The following MGAT4C variants were observed in gnomAD, a reference collection of about 807,000 sequenced individuals.
MGAT4C encodes alpha-1,3-mannosyl-glycoprotein 4-beta-N-acetylglucosaminyltransferase C.
Under a neutral mutation model 40.1 loss-of-function variants are expected in MGAT4C, and 19 were observed. The ratio of observed to expected loss-of-function variants is 0.47; its 90% CI spans 0.33 to 0.70. The LOEUF (loss-of-function observed/expected upper bound fraction) is 0.70. Among genes scored for constraint, MGAT4C ranks in the 30% least tolerant of loss-of-function variants. The pLI, the probability that MGAT4C is intolerant of heterozygous loss-of-function variation, is 0.02. For missense variants in MGAT4C, 491 were observed against 563.2 expected (o/e 0.87, Z 1.30); for synonymous variants, 181 against 187.1 (o/e 0.97, Z 0.27).
intron 2 of MGAT4C, among the ~76,000 whole-genome samples, chr12:86,046,656 T>C (rs902686326): frequency 1.3e-5 from 2 of 152,170 alleles, no homozygotes; most frequent in African/African-American, 4.8e-5. Flanking sequence ...AAAGTGTGAA[T>C]TGGGGTCTCC....
intron 2 of MGAT4C, among the ~76,000 whole-genome samples, chr12:86,517,463 C>T (rs1205106158): frequency 1.3e-5 from 2 of 152,044 alleles, no homozygotes; most frequent in African/African-American, 4.8e-5. Context: ...AGAACTGACC[C>T]TCACCTAAAA....
intron 3 of MGAT4C, among the ~76,000 whole-genome samples, chr12:86,420,908 TATGTGTATATATACATACATATAC>T (rs1196845776): frequency 1.3e-5 from 2 of 150,028 alleles, no homozygotes; most frequent in African/African-American, 2.4e-5. Flanking sequence ...CATACGTGTA[TATGTGTATATATACATACATATAC>T]ATGTGTATAT....
intron 2 of MGAT4C, among the ~76,000 whole-genome samples, chr12:86,483,206 C>A (rs1015459693): frequency 3.9e-5 from 6 of 152,030 alleles, no homozygotes; most frequent in Middle Eastern, 3.2e-3. Context: ...AGGGTAGTAC[C>A]CTCATAAACT....
intron 2 of MGAT4C, among the ~76,000 whole-genome samples, chr12:86,582,158 A>G (rs1175064331): frequency 6.6e-6 from 1 of 151,468 alleles, no homozygotes; most frequent in Non-Finnish European, 1.5e-5. Context: ...TGATAGTACA[A>G]GATGATCATG....
At chr12:85,989,977 C>T (rs530876478) in intron 2 of MGAT4C, among the ~76,000 whole-genome samples, 3 of 152,012 alleles carry the variant, frequency 2.0e-5, no homozygotes, top group African/African-American at 2.4e-5. Context: ...AATTATGGGC[C>T]TAATATTAAT....
At chr12:86,280,306 A>G (rs1953184406) in intron 4 of MGAT4C, among the ~76,000 whole-genome samples, 1 of 151,960 alleles carries the variant, frequency 6.6e-6, no homozygotes, top group Non-Finnish European at 1.5e-5. Context: ...TTTGCTTCAT[A>G]TATCTACGTT....
intron 2 of MGAT4C, among the ~76,000 whole-genome samples, chr12:86,696,369 TA>T (rs376191250): frequency 2.0e-5 from 3 of 151,880 alleles, no homozygotes; most frequent in African/African-American, 4.8e-5. Flanking sequence ...AATTAAAAAC[TA>T]AAAAAAAGTG....
At chr12:86,561,278 T>C (rs1592987481) in intron 2 of MGAT4C, among the ~76,000 whole-genome samples, 1 of 152,198 alleles carries the variant, frequency 6.6e-6, no homozygotes, top group Non-Finnish European at 1.5e-5. Context: ...TCGTTAATAC[T>C]GAGTGTCAAC....
chr12:86,466,135 G>A (rs1339077983), intron 2 of MGAT4C, among the ~76,000 whole-genome samples: 3 of 152,082 alleles, frequency 2.0e-5, no homozygotes. Context: ...CTTGAACCCA[G>A]GAGGTGGAGG....
chr12:86,205,358 G>C (rs1483564730), intron 1 of MGAT4C, among the ~76,000 whole-genome samples: 1 of 151,214 alleles, frequency 6.6e-6, no homozygotes, highest in African/African-American at 2.4e-5. Flanking sequence ...TTTTTTCAGT[G>C]ATTTTGTCAC....
intron 2 of MGAT4C, among the ~76,000 whole-genome samples, chr12:86,509,893 A>G (rs1409193806): frequency 1.3e-5 from 2 of 152,076 alleles, no homozygotes; most frequent in South Asian, 4.1e-4. Flanking sequence ...AATGCTTGTG[A>G]TTTTTGTACA....
In MGAT4C at chr12:86,151,917, G is replaced by C. The variant is rs187239326; in HGVS notation, c.-56-102194C>G. On this transcript the variant is annotated intron_variant, in intron 1 of 4. Coordinates refer to ENST00000611864, the MANE Select transcript of MGAT4C (RefSeq NM_001351288.2). ...TCAAATTCCTGTATGACAATTTAAG[G>C]CTGTGGGCCAGATGTCCCAGCTTGG... Among the ~76,000 whole-genome samples, 35 of 152,286 alleles carry C rather than the reference G, an allele frequency of 2.3e-4. No homozygotes were observed. In the East Asian group the frequency reaches 6.6e-3, roughly 29 times the overall value.
chr12:86,620,113 G>C (rs533578732), intron 2 of MGAT4C, among the ~76,000 whole-genome samples: 182 of 152,200 alleles, frequency 1.2e-3, no homozygotes, highest in Middle Eastern at 6.8e-3. Flanking sequence ...CTGTTAGTGA[G>C]AATGTAAATT....
At chr12:86,799,137 T>C (rs1192024819) in intron 1 of MGAT4C, among the ~76,000 whole-genome samples, 2 of 151,828 alleles carry the variant, frequency 1.3e-5, no homozygotes, top group Non-Finnish European at 1.5e-5. Flanking sequence ...CCTAATTATT[T>C]GAGATAATTA....
intron 2 of MGAT4C, among the ~76,000 whole-genome samples, chr12:86,581,246 C>A (rs190254228): frequency 6.6e-6 from 1 of 151,482 alleles, no homozygotes; most frequent in Non-Finnish European, 1.5e-5. Flanking sequence ...TAGCCACTAC[C>A]TTAGTGGTTG....
At chr12:86,566,579 TA>T (rs1395135661) in intron 2 of MGAT4C, among the ~76,000 whole-genome samples, 5 of 133,236 alleles carry the variant, frequency 3.8e-5, no homozygotes, top group Non-Finnish European at 8.1e-5. Context: ...TATATATGTA[TA>T]TGTATATATA....
chr12:86,045,833 C>T (rs1452511783), intron 2 of MGAT4C, among the ~76,000 whole-genome samples: 1 of 152,160 alleles, frequency 6.6e-6, no homozygotes, highest in Non-Finnish European at 1.5e-5. Flanking sequence ...GATTTCCACA[C>T]AAAATTCCAT....
intron 1 of MGAT4C, among the ~76,000 whole-genome samples, chr12:86,133,843 T>C (rs1881582464): frequency 6.6e-6 from 1 of 152,168 alleles, no homozygotes; most frequent in African/African-American, 2.4e-5. Flanking sequence ...CATATTCAAT[T>C]AGGGAAAAAC....
At chr12:86,576,704 T>C (rs1960573700) in intron 2 of MGAT4C, among the ~76,000 whole-genome samples, 1 of 151,990 alleles carries the variant, frequency 6.6e-6, no homozygotes, top group Non-Finnish European at 1.5e-5. Context: ...GCCAGTACCA[T>C]GCTGTTTTGG....
Sources: allele counts gnomAD v4.1 joint callset (sites outside exome capture counted in the v4.1 genomes callset), GRCh38; gene constraint gnomAD v4.1.1; transcripts MANE v1.5; gene names NCBI Gene and HGNC (gene_info 2026-07-23, HGNC 2026-07-21).